Variants in SDHAF3 observed in about 807,000 individuals in gnomAD.
The protein encoded by SDHAF3 is succinate dehydrogenase complex assembly factor 3, also known as succinate dehydrogenase assembly factor 3, mitochondrial.
A neutral mutation model predicts 11.5 loss-of-function variants in SDHAF3; 18 were observed. The ratio of observed to expected loss-of-function variants is 1.56; its 90% CI spans 1.08 to 2.32. SDHAF3 has a LOEUF of 2.32. SDHAF3 is among the 30% of genes most tolerant of loss of function. The pLI is 0.00. For missense variants in SDHAF3, 200 were observed against 154.4 expected (o/e 1.30, Z -1.57); for synonymous variants, 72 against 59.3 (o/e 1.21, Z -0.99).
At chr7:97,125,766 T>C (rs751190742) in intron 1 of SDHAF3, among the ~76,000 whole-genome samples, 4 of 152,220 alleles carry the variant, frequency 2.6e-5, no homozygotes, top group Non-Finnish European at 4.4e-5. Context: ...CTTCCTTGCA[T>C]TGGGTTAGAA....
intron 1 of SDHAF3, chr7:97,142,732 C>T (rs1046096930): frequency 5.3e-5 from 8 of 151,940 alleles, no homozygotes; most frequent in Admixed American, 1.3e-4. Context: ...AATTTAAGAT[C>T]TTGAAGTGGA....
intron 1 of SDHAF3, among the ~76,000 whole-genome samples, chr7:97,118,924 T>C (rs1254934961): frequency 6.6e-6 from 1 of 152,130 alleles, no homozygotes; most frequent in Non-Finnish European, 1.5e-5. Context: ...AAAATCATGG[T>C]GTATTTGATG....
intron 1 of SDHAF3, among the ~76,000 whole-genome samples, chr7:97,157,422 A>G (rs2115707598): frequency 6.6e-6 from 1 of 152,322 alleles, no homozygotes; most frequent in Non-Finnish European, 1.5e-5. Context: ...GTGAGATACC[A>G]TCTCACACCA....
At chr7:97,168,582 A>G (rs1434246910) in intron 1 of SDHAF3, among the ~76,000 whole-genome samples, 3 of 152,148 alleles carry the variant, frequency 2.0e-5, no homozygotes, top group Non-Finnish European at 2.9e-5. Context: ...GATGGTTTCA[A>G]TCCCTTCCTT....
At chr7:97,167,605 A>AAATC (rs1189017699) in intron 1 of SDHAF3, among the ~76,000 whole-genome samples, 1 of 152,180 alleles carries the variant, frequency 6.6e-6, no homozygotes, top group Non-Finnish European at 1.5e-5. Flanking sequence ...ATTATTATTC[A>AAATC]AATCAATCTC....
At chr7:97,119,101 AAAT>A (rs1218618290) in intron 1 of SDHAF3, among the ~76,000 whole-genome samples, 1 of 152,198 alleles carries the variant, frequency 6.6e-6, no homozygotes, top group Admixed American at 6.5e-5. Flanking sequence ...CTCATCTATA[AAAT>A]AATAAGTGTT....
At chr7:97,127,439 T>C (rs1791592916) in intron 1 of SDHAF3, among the ~76,000 whole-genome samples, 1 of 152,232 alleles carries the variant, frequency 6.6e-6, no homozygotes, top group African/African-American at 2.4e-5. Flanking sequence ...GAGGAGGAAA[T>C]GCTTCAGACT....
intron 1 of SDHAF3, among the ~76,000 whole-genome samples, chr7:97,165,983 A>C (rs916965609): frequency 6.6e-6 from 1 of 152,334 alleles, no homozygotes; most frequent in East Asian, 1.9e-4. Context: ...ACAAATTGCC[A>C]AGAGAGCATA....
intron 1 of SDHAF3, among the ~76,000 whole-genome samples, chr7:97,144,168 T>G (rs532326818): frequency 6.6e-6 from 1 of 151,418 alleles, no homozygotes; most frequent in Non-Finnish European, 1.5e-5. Context: ...TTCTTTACTC[T>G]TTTTGATGGG....
At chr7:97,125,891 A>C (rs757719151) in intron 1 of SDHAF3, among the ~76,000 whole-genome samples, 33 of 152,174 alleles carry the variant, frequency 2.2e-4, no homozygotes, top group Non-Finnish European at 4.0e-4. Context: ...GAGGAGTTGC[A>C]ATCATTTGGA....
At chr7:97,120,387 A>G (rs1791472933) in intron 1 of SDHAF3, among the ~76,000 whole-genome samples, 2 of 152,108 alleles carry the variant, frequency 1.3e-5, no homozygotes, top group South Asian at 4.2e-4. Context: ...GGTCTTTTTG[A>G]AAGAGTAGGG....
At chr7:97,151,586 C>A (rs1266219631) in intron 1 of SDHAF3, among the ~76,000 whole-genome samples, 2 of 151,230 alleles carry the variant, frequency 1.3e-5, no homozygotes, top group South Asian at 2.1e-4. Flanking sequence ...GCAAGCTCTG[C>A]CCCCCGGGTT....
At chr7:97,174,838 A>G (rs1789656048) in intron 1 of SDHAF3, among the ~76,000 whole-genome samples, 1 of 152,154 alleles carries the variant, frequency 6.6e-6, no homozygotes, top group Non-Finnish European at 1.5e-5. Flanking sequence ...AGCTTTCTTC[A>G]CTGTAAAGTT....
chr7:97,142,552 C>T (rs1789067133), intron 1 of SDHAF3: 1 of 152,010 alleles, frequency 6.6e-6, no homozygotes, highest in Non-Finnish European at 1.5e-5. Context: ...TGTTTTTTTG[C>T]TATTTGGCTA....
At chr7:97,146,022 GATTA>G (rs2115679676) in intron 1 of SDHAF3, among the ~76,000 whole-genome samples, 1 of 152,130 alleles carries the variant, frequency 6.6e-6, no homozygotes, top group African/African-American at 2.4e-5. Context: ...ATAGTTAGCA[GATTA>G]ATTGTGAAAT....
chr7:97,117,976 CG>C, intron 1 of SDHAF3, 79 bp downstream of exon 1: 5 of 1,520,584 alleles, frequency 3.3e-6, no homozygotes, highest in Middle Eastern at 1.8e-4. Context: ...GTCCCCCATG[CG>C]GGGTTAAACA....
intron 1 of SDHAF3, among the ~76,000 whole-genome samples, chr7:97,169,790 C>T (rs1413430818): frequency 6.6e-6 from 1 of 151,946 alleles, no homozygotes; most frequent in Non-Finnish European, 1.5e-5. Context: ...TTTTTAATGT[C>T]TGCGAGTGAA....
chr7:97,180,390 G>A (rs1789751124), intron 1 of SDHAF3, among the ~76,000 whole-genome samples: 1 of 152,140 alleles, frequency 6.6e-6, no homozygotes, highest in African/African-American at 2.4e-5. Flanking sequence ...AAAATTTTAA[G>A]TGGGAGCTAA....
At chr7:97,178,040 G>A (rs544895389) in intron 1 of SDHAF3, among the ~76,000 whole-genome samples, 2 of 152,078 alleles carry the variant, frequency 1.3e-5, no homozygotes, top group South Asian at 2.1e-4. Flanking sequence ...ACGGAAACTC[G>A]GTGGCCATTA....
Sources: allele counts gnomAD v4.1 joint callset (sites outside exome capture counted in the v4.1 genomes callset), GRCh38; gene constraint gnomAD v4.1.1; transcripts MANE v1.5; gene names NCBI Gene and HGNC (gene_info 2026-07-23, HGNC 2026-07-21).